ACTR3C: variants seen among roughly 807,000 people sequenced by gnomAD.
ACTR3C encodes the protein actin-related protein 3C.
ACTR3C carries 18 observed loss-of-function variants against 26.3 expected under a neutral mutation model. The observed-to-expected ratio is 0.68, with a 90% confidence interval of 0.47 to 1.01. The LOEUF is 1.01. Among genes scored for constraint, ACTR3C ranks in the 50% least tolerant of loss-of-function variants. ACTR3C has a pLI of 0.00. For synonymous variants in ACTR3C, 55 were observed against 94.5 expected, an observed-to-expected ratio of 0.58 and a Z score of 2.42; for missense variants, 184 against 250.7, an observed-to-expected ratio of 0.73 and a Z score of 1.80.
chr7:150,019,599 A>AAAAAAT, the ACTR3C span, among the ~76,000 whole-genome samples: 851 of 109,794 alleles, frequency 7.8e-3, 20 homozygotes, highest in African/African-American at 0.027. Flanking sequence ...TCAAAAATAA[A>AAAAAAT]AATAATAATA....
At chr7:150,059,120 C>G in the ACTR3C span, among the ~76,000 whole-genome samples, 1 of 152,182 alleles carries the variant, frequency 6.6e-6, no homozygotes, top group Non-Finnish European at 1.5e-5. Context: ...ATACTGCACA[C>G]CTGGTTCTTC....
chr7:150,121,862 T>C, the ACTR3C span, among the ~76,000 whole-genome samples: 1 of 152,180 alleles, frequency 6.6e-6, no homozygotes, highest in Non-Finnish European at 1.5e-5. Context: ...AACAGCACGG[T>C]ACTGTTAGCA....
the ACTR3C span, among the ~76,000 whole-genome samples, chr7:150,044,432 T>C: frequency 2.2e-4 from 33 of 152,114 alleles, no homozygotes; most frequent in African/African-American, 3.1e-4. Context: ...AGGAAGTGGA[T>C]AGAGAAGACC....
the ACTR3C span, among the ~76,000 whole-genome samples, chr7:149,913,034 T>G: frequency 6.6e-6 from 1 of 152,206 alleles, no homozygotes; most frequent in African/African-American, 2.4e-5. Context: ...TTTGAGACAT[T>G]CAAATTTAAA....
the ACTR3C span, among the ~76,000 whole-genome samples, chr7:150,224,154 A>T: frequency 6.6e-6 from 1 of 152,190 alleles, no homozygotes; most frequent in Non-Finnish European, 1.5e-5. Context: ...TATTCAATTG[A>T]TTAGATGCAA....
chr7:150,006,991 A>G, the ACTR3C span, among the ~76,000 whole-genome samples: 1 of 152,188 alleles, frequency 6.6e-6, no homozygotes, highest in African/African-American at 2.4e-5. Context: ...TTGTGGACCA[A>G]CAGCATCTTA....
intron 6 of ACTR3C, among the ~76,000 whole-genome samples, chr7:150,256,169 T>C (rs1833209504): frequency 6.6e-6 from 1 of 152,248 alleles, no homozygotes; most frequent in Non-Finnish European, 1.5e-5. Flanking sequence ...TATCCAGTCC[T>C]CCATGGATGG....
At chr7:150,030,748 C>T in the ACTR3C span, among the ~76,000 whole-genome samples, 3 of 152,124 alleles carry the variant, frequency 2.0e-5, no homozygotes, top group African/African-American at 7.3e-5. Flanking sequence ...CCTTCCCACA[C>T]ACCCCTCCCA....
At chr7:149,982,864 T>C in the ACTR3C span, among the ~76,000 whole-genome samples, 1 of 147,632 alleles carries the variant, frequency 6.8e-6, no homozygotes, top group Non-Finnish European at 1.5e-5. Context: ...CTCATTTAGA[T>C]GCCTTTAGTT....
chr7:150,151,792 T>C, the ACTR3C span, among the ~76,000 whole-genome samples: 2 of 135,432 alleles, frequency 1.5e-5, 1 homozygote, highest in Non-Finnish European at 3.3e-5. Context: ...TGACGAGTTA[T>C]TGGGTGCAGC....
At chr7:150,315,800 AAC>A (rs1796810829) in intron 1 of ACTR3C, among the ~76,000 whole-genome samples, 2 of 152,036 alleles carry the variant, frequency 1.3e-5, no homozygotes. Context: ...TTTTAATAAA[AAC>A]ACAGACACAA....
the ACTR3C span, among the ~76,000 whole-genome samples, chr7:150,153,536 C>A: frequency 6.6e-5 from 9 of 136,872 alleles, no homozygotes; most frequent in South Asian, 5.4e-4. Context: ...CCATCTCACA[C>A]CAGTTAGAAT....
the ACTR3C span, among the ~76,000 whole-genome samples, chr7:150,168,493 G>A: frequency 6.6e-6 from 1 of 150,786 alleles, no homozygotes; most frequent in East Asian, 1.9e-4. Context: ...ACATTATGGT[G>A]AGTTGTATAA....
At chr7:150,022,615 C>G in the ACTR3C span, among the ~76,000 whole-genome samples, 1 of 152,028 alleles carries the variant, frequency 6.6e-6, no homozygotes, top group African/African-American at 2.4e-5. Context: ...TATGCCAATT[C>G]CTCTTATGTG....
chr7:149,920,927 T>A, the ACTR3C span, among the ~76,000 whole-genome samples: 1 of 151,922 alleles, frequency 6.6e-6, no homozygotes, highest in Non-Finnish European at 1.5e-5. Context: ...CCACCACACC[T>A]GGCTAATTTT....
At position 150,309,485 on chromosome 7, in the gene ACTR3C, C is replaced by A. The variant is rs895641592; in HGVS notation, c.-52+13984G>T. Among the ~76,000 whole-genome samples, 17 of 152,324 alleles carry A rather than the reference C, an allele frequency of 1.1e-4. 1 individual carries two copies. The South Asian group carries it at 2.9e-3, about 26-fold the overall frequency. On this transcript the variant is annotated intron_variant, in intron 1 of 7. Coordinates refer to ENST00000683684, the MANE Select transcript of ACTR3C (RefSeq NM_001164458.2). ...GTTCAACAATAAAGAGGCAGCCAAG[C>A]GGCAACGCATTTCAGAGCTGCAACT...
the ACTR3C span, among the ~76,000 whole-genome samples, chr7:149,972,969 C>A: frequency 6.6e-6 from 1 of 151,860 alleles, no homozygotes; most frequent in African/African-American, 2.4e-5. Context: ...GTGGGTGGCA[C>A]GCCTGTCCCA....
the ACTR3C span, among the ~76,000 whole-genome samples, chr7:150,182,310 T>G: frequency 6.6e-6 from 1 of 150,946 alleles, no homozygotes; most frequent in Non-Finnish European, 1.5e-5. Flanking sequence ...CCCAGCAACC[T>G]GGTTAATTGG....
At chr7:150,249,326 C>G (rs1309759861) in intron 6 of ACTR3C, among the ~76,000 whole-genome samples, 2 of 152,164 alleles carry the variant, frequency 1.3e-5, no homozygotes, top group African/African-American at 4.8e-5. Flanking sequence ...AGAAATTATC[C>G]TTCCAGAATG....
Sources: allele counts gnomAD v4.1 joint callset (sites outside exome capture counted in the v4.1 genomes callset), GRCh38; gene constraint gnomAD v4.1.1; transcripts MANE v1.5; gene names NCBI Gene and HGNC (gene_info 2026-07-23, HGNC 2026-07-21).